CEP112: variants seen among roughly 807,000 people sequenced by gnomAD.
CEP112 encodes centrosomal protein 112, also known as centrosomal protein of 112 kDa.
CEP112 carries 127 observed loss-of-function variants against 153.0 expected under a neutral mutation model. The ratio of observed to expected loss-of-function variants is 0.83; its 90% confidence interval spans 0.72 to 0.96. CEP112 has a LOEUF of 0.96. Among genes scored for constraint, CEP112 ranks in the 40% least tolerant of loss-of-function variants. The pLI, the probability that CEP112 is intolerant of heterozygous loss-of-function variation, is 0.00. For synonymous variants in CEP112, 358 were observed against 374.4 expected, an observed-to-expected ratio of 0.96 and a Z score of 0.51; for missense variants, 1,089 against 1,101.2, an observed-to-expected ratio of 0.99 and a Z score of 0.16.
chr17:66,003,222 T>C (rs1382121847), intron 17 of CEP112, among the ~76,000 whole-genome samples: 1 of 152,206 alleles, frequency 6.6e-6, no homozygotes, highest in African/African-American at 2.4e-5. Flanking sequence ...TTATTTAACA[T>C]GCTAAAATAT....
chr17:66,051,884 T>C lies in CEP112; in HGVS notation c.1218+1852A>G, dbSNP rs548940175. ...ATGAGATCATGTCCCAATAAACCTA[T>C]CATTAAGTTTCAAATATCATTAATT... On this transcript the variant is annotated intron_variant, in intron 12 of 26. Coordinates refer to ENST00000535342, the MANE Select transcript of CEP112 (RefSeq NM_001199165.4). Among the ~76,000 whole-genome samples, 22 of 150,292 alleles carry C rather than the reference T, an allele frequency of 1.5e-4. 1 individual carries two copies. The South Asian group carries it at 4.1e-3, about 28-fold the overall frequency.
chr17:66,023,560 G>A (rs2065083557), intron 16 of CEP112, among the ~76,000 whole-genome samples: 1 of 152,060 alleles, frequency 6.6e-6, no homozygotes, highest in African/African-American at 2.4e-5. Context: ...TATAATAAAT[G>A]CTCAAAGGAG....
At chr17:65,800,391 T>A (rs989794538) in intron 21 of CEP112, among the ~76,000 whole-genome samples, 2 of 152,242 alleles carry the variant, frequency 1.3e-5, no homozygotes, top group African/African-American at 2.4e-5. Flanking sequence ...ATTTTTTTTA[T>A]TTACATAGTA....
chr17:65,956,113 A>G (rs2061992965), intron 18 of CEP112, among the ~76,000 whole-genome samples: 2 of 152,188 alleles, frequency 1.3e-5, no homozygotes, highest in Non-Finnish European at 2.9e-5. Flanking sequence ...AACGAGTCTC[A>G]GTAAATTTAA....
intron 24 of CEP112, among the ~76,000 whole-genome samples, chr17:65,675,712 T>A (rs1466519802): frequency 2.0e-5 from 3 of 151,462 alleles, no homozygotes; most frequent in Non-Finnish European, 4.4e-5. Flanking sequence ...CCAAAATCCA[T>A]CTACAGGTTA....
intron 20 of CEP112, among the ~76,000 whole-genome samples, chr17:65,862,085 T>A (rs2058328131): frequency 6.6e-6 from 1 of 152,126 alleles, no homozygotes; most frequent in African/African-American, 2.4e-5. Flanking sequence ...GCAAATCAGA[T>A]TACCTACAAC....
At chr17:65,964,557 T>C (rs2144810393) in intron 17 of CEP112, among the ~76,000 whole-genome samples, 1 of 152,326 alleles carries the variant, frequency 6.6e-6, no homozygotes, top group Admixed American at 6.5e-5. Context: ...TATAAATTGT[T>C]ATTGGGTACC....
intron 26 of CEP112, among the ~76,000 whole-genome samples, chr17:65,636,283 T>C (rs912853023): frequency 1.3e-5 from 2 of 152,324 alleles, no homozygotes; most frequent in Non-Finnish European, 2.9e-5. Context: ...TCTATGTTAG[T>C]GATGGCACTG....
At chr17:65,913,646 C>T (rs2098365028) in intron 19 of CEP112, 1 of 985,364 alleles carries the variant, frequency 1.0e-6, no homozygotes, top group Non-Finnish European at 1.2e-6. Flanking sequence ...TTTAATGTTG[C>T]TGTGATAACC....
At chr17:65,827,219 C>A (rs1043295765) in intron 21 of CEP112, among the ~76,000 whole-genome samples, 1 of 152,226 alleles carries the variant, frequency 6.6e-6, no homozygotes, top group African/African-American at 2.4e-5. Flanking sequence ...CTTGGACTGG[C>A]TTCCCTGCTC....
chr17:66,059,723 T>C lies in CEP112; in HGVS notation c.1074+3240A>G, dbSNP rs544708141. On this transcript the variant is annotated intron_variant, in intron 11 of 26. Coordinates refer to ENST00000535342, the MANE Select transcript of CEP112 (RefSeq NM_001199165.4). The stretch of plus-strand genomic sequence containing the variant: ...TGGGAACGTAAAGTAGTTCAACCAC[T>C]GTGGAATGCAGTTTGGAGATTTCTC... 4.6e-5 allele frequency among the ~76,000 whole-genome samples: 7 copies of C among 152,328 alleles called. No homozygotes were observed. In the East Asian group the frequency reaches 1.4e-3, roughly 29 times the overall value.
intron 12 of CEP112, among the ~76,000 whole-genome samples, chr17:66,031,914 T>C (rs1025831480): frequency 3.3e-5 from 5 of 152,178 alleles, no homozygotes; most frequent in South Asian, 2.1e-4. Context: ...AGGCAGATGG[T>C]GGCCGAGGCA....
intron 23 of CEP112, among the ~76,000 whole-genome samples, chr17:65,700,664 G>A (rs1027239611): frequency 2.0e-5 from 3 of 152,160 alleles, no homozygotes; most frequent in Non-Finnish European, 4.4e-5. Context: ...TGTGTGCCAG[G>A]AGGACTATAG....
chr17:65,898,164 A>C (rs980550695), intron 20 of CEP112, among the ~76,000 whole-genome samples: 3 of 152,176 alleles, frequency 2.0e-5, no homozygotes, highest in Admixed American at 1.3e-4. Context: ...TGGCATATAA[A>C]AAAATTAAAA....
At chr17:65,690,425 CAAAAAAAAA>C (rs67648497) in intron 23 of CEP112, among the ~76,000 whole-genome samples, 1 of 76,704 alleles carries the variant, frequency 1.3e-5, no homozygotes, top group African/African-American at 5.1e-5. Context: ...GACCCTGTCT[CAAAAAAAAA>C]AAAAAAAAAA....
At chr17:66,149,870 TTTTTTTTTTGTTTGTTTG>T (rs2071097010) in intron 4 of CEP112, among the ~76,000 whole-genome samples, 1 of 88,378 alleles carries the variant, frequency 1.1e-5, no homozygotes, top group Non-Finnish European at 2.3e-5. Context: ...AATTTAGGGT[TTTTTTTTTTGTTTGTTTG>T]TTTTTTTTTT....
intron 21 of CEP112, among the ~76,000 whole-genome samples, chr17:65,755,287 A>C (rs2052184752): frequency 1.3e-5 from 2 of 152,120 alleles, no homozygotes; most frequent in African/African-American, 2.4e-5. Context: ...TGCCCAGAGC[A>C]GGAGAAAGAG....
At chr17:65,996,947 G>C (rs1045326353) in intron 17 of CEP112, among the ~76,000 whole-genome samples, 1 of 152,124 alleles carries the variant, frequency 6.6e-6, no homozygotes, top group Non-Finnish European at 1.5e-5. Context: ...GGTGGCCCAC[G>C]GCTGTAATCC....
intron 24 of CEP112, among the ~76,000 whole-genome samples, chr17:65,660,731 A>T (rs2046348560): frequency 6.6e-6 from 1 of 151,032 alleles, no homozygotes; most frequent in Admixed American, 6.6e-5. Context: ...TTTTTTTTGT[A>T]GAAACAAGGT....
Sources: allele counts gnomAD v4.1 joint callset (sites outside exome capture counted in the v4.1 genomes callset), GRCh38; gene constraint gnomAD v4.1.1; transcripts MANE v1.5; gene names NCBI Gene and HGNC (gene_info 2026-07-23, HGNC 2026-07-21).